The following FRMD5 variants were observed in gnomAD, a reference collection of about 807,000 sequenced individuals.
FRMD5 encodes FERM domain containing 5.
Under a neutral mutation model 69.0 loss-of-function variants are expected in FRMD5, and 20 were observed. The ratio of observed to expected loss-of-function variants is 0.29; its 90% CI spans 0.20 to 0.42. The LOEUF (loss-of-function observed/expected upper bound fraction) is 0.42, where lower values mean the gene tolerates loss of function less well. Among genes scored for constraint, FRMD5 ranks in the 10% least tolerant of loss-of-function variants. The probability of loss-of-function intolerance (pLI) is 1.00; values close to 1 mark genes in which losing one functional copy is unlikely to be tolerated. For missense variants in FRMD5, 595 were observed against 708.6 expected, an observed-to-expected ratio of 0.84 and a Z score of 1.82; for synonymous variants, 271 against 260.1, an observed-to-expected ratio of 1.04 and a Z score of -0.40.
intron 1 of FRMD5, among the ~76,000 whole-genome samples, chr15:44,144,971 T>C (rs774845553): frequency 6.6e-5 from 10 of 152,210 alleles, no homozygotes; most frequent in Non-Finnish European, 1.0e-4. Flanking sequence ...CCCAGTATCA[T>C]AGAGTTACTA....
At chr15:43,999,192 T>C (rs1173734171) in intron 1 of FRMD5, among the ~76,000 whole-genome samples, 3 of 152,042 alleles carry the variant, frequency 2.0e-5, no homozygotes, top group Non-Finnish European at 1.5e-5. Context: ...CTCAGCTTCC[T>C]GAGTAGCTGG....
intron 1 of FRMD5, among the ~76,000 whole-genome samples, chr15:44,033,816 C>T (rs1891790916): frequency 1.3e-5 from 2 of 152,154 alleles, no homozygotes; most frequent in African/African-American, 4.8e-5. Flanking sequence ...GGCTAGCTTC[C>T]TCTACAACAT....
At chr15:44,016,584 A>G (rs1256128255) in intron 1 of FRMD5, among the ~76,000 whole-genome samples, 1 of 152,038 alleles carries the variant, frequency 6.6e-6, no homozygotes, top group East Asian at 1.9e-4. Flanking sequence ...TTAGCCAGGC[A>G]TGTTGGCATG....
intron 1 of FRMD5, among the ~76,000 whole-genome samples, chr15:44,177,287 C>G (rs549841190): frequency 1.3e-5 from 2 of 152,208 alleles, no homozygotes; most frequent in East Asian, 3.9e-4. Flanking sequence ...ATGTTCATAG[C>G]ATTATCCATA....
intron 1 of FRMD5, among the ~76,000 whole-genome samples, chr15:43,978,533 T>C (rs2090499508): frequency 6.6e-6 from 1 of 152,324 alleles, no homozygotes; most frequent in South Asian, 2.1e-4. Context: ...GATTAAGACG[T>C]ACATTTGGTT....
intron 1 of FRMD5, among the ~76,000 whole-genome samples, chr15:44,138,947 A>G (rs2555389): frequency 0.9 from 136,269 of 152,136 alleles, 61,475 homozygotes; most frequent in East Asian, 1. Flanking sequence ...GGGCGACAGA[A>G]AAGAGAGTGG....
chr15:44,102,579 T>G (rs944893025), intron 1 of FRMD5, among the ~76,000 whole-genome samples: 4 of 152,186 alleles, frequency 2.6e-5, no homozygotes, highest in East Asian at 3.8e-4. Context: ...TTGTCCTAGC[T>G]TGGAATTAAA....
chr15:44,045,336 T>C (rs776944804), intron 1 of FRMD5, among the ~76,000 whole-genome samples: 1 of 152,222 alleles, frequency 6.6e-6, no homozygotes, highest in African/African-American at 2.4e-5. Flanking sequence ...GTGGCATTTA[T>C]GGCAAGGACT....
intron 1 of FRMD5, among the ~76,000 whole-genome samples, chr15:44,084,597 T>C (rs1894119087): frequency 2.6e-5 from 4 of 152,128 alleles, no homozygotes; most frequent in Admixed American, 2.6e-4. Flanking sequence ...AAACCTTTTT[T>C]GTATATTATC....
chr15:43,875,348 CA>C lies in FRMD5; in HGVS notation c.1136-887del, dbSNP rs1202161221. 5.8e-3 allele frequency among the ~76,000 whole-genome samples: 271 copies of C among 46,804 alleles called. 2 individuals are homozygous for C. Among genetic ancestry groups the C allele is most frequent in the East Asian group, 0.013 (17 of 1,298 alleles). 30.7% of individuals were successfully genotyped at this position (46,804 alleles called of 152,430 possible). A position where few individuals can be genotyped will look rare whatever the true frequency, so the allele number is the denominator to read the frequency against. ...CCTGAGCAACAGAGAAAGACTGTCT[CA>C]AAAAAAAAAAAAAAATATATATATA... On this transcript the variant is annotated intron_variant, in intron 13 of 13. Transcript: ENST00000417257.
rs2077665537 is a variant in FRMD5, at chr15:44,164,010, C to T, written c.102+30943G>A. ...TCTAGCAAGGGGAAGTCTTTCAAAC[C>T]TGAGATCCATTTTATGCTGCTCCTT... On this transcript the variant is annotated intron_variant, in intron 1 of 13. Coordinates refer to ENST00000417257, the MANE Select transcript of FRMD5 (RefSeq NM_032892.5). 2.6e-5 allele frequency among the ~76,000 whole-genome samples: 4 copies of T among 152,176 alleles called. No individual in the cohort carries two copies. In the South Asian group the frequency reaches 8.3e-4, roughly 32 times the overall value.
chr15:44,052,230 T>A (rs146869745), intron 1 of FRMD5, among the ~76,000 whole-genome samples: 313 of 152,338 alleles, frequency 2.1e-3, no homozygotes, highest in Admixed American at 6.2e-3. Flanking sequence ...ATACTTTGGG[T>A]TACAATGCAA....
rs956780661 is a variant in FRMD5, at chr15:43,991,200, A to G, written c.103-66891T>C. On this transcript the variant is annotated intron_variant, in intron 1 of 13. Transcript: ENST00000417257. ...TGTATTTTACCCGAAGCTGCCAATT[A>G]TTTTTGAGCACTGTACTTAAATTGT... Among the ~76,000 whole-genome samples the G allele has an allele frequency of 8.5e-5, 13 of 152,292 alleles. No homozygotes were observed. The East Asian group carries it at 2.5e-3, about 29-fold the overall frequency.
chr15:44,039,863 A>G (rs1892110304), intron 1 of FRMD5, among the ~76,000 whole-genome samples: 1 of 152,134 alleles, frequency 6.6e-6, no homozygotes, highest in South Asian at 2.1e-4. Flanking sequence ...AAGGCGGGTA[A>G]TAACAAACTC....
At chr15:43,949,822 G>A (rs1422864027) in intron 1 of FRMD5, among the ~76,000 whole-genome samples, 1 of 152,140 alleles carries the variant, frequency 6.6e-6, no homozygotes, top group African/African-American at 2.4e-5. Context: ...ATCCATTACA[G>A]ACAGAAGTGA....
intron 1 of FRMD5, among the ~76,000 whole-genome samples, chr15:43,937,684 C>T (rs1188132197): frequency 6.6e-6 from 1 of 151,008 alleles, no homozygotes; most frequent in Non-Finnish European, 1.5e-5. Context: ...GAACAACATC[C>T]ATGGAAAAGA....
chr15:44,187,592 G>A (rs1404195508), intron 1 of FRMD5, among the ~76,000 whole-genome samples: 1 of 148,652 alleles, frequency 6.7e-6, no homozygotes, highest in African/African-American at 2.5e-5. Flanking sequence ...TTAGGAGACA[G>A]CGTTTCCATC....
chr15:43,996,141 G>C (rs1889911918), intron 1 of FRMD5, among the ~76,000 whole-genome samples: 1 of 151,890 alleles, frequency 6.6e-6, no homozygotes, highest in Non-Finnish European at 1.5e-5. Context: ...TCTGGAACCT[G>C]GGGTGGGCCT....
At chr15:44,132,726 G>C (rs1012736869) in intron 1 of FRMD5, among the ~76,000 whole-genome samples, 5 of 147,610 alleles carry the variant, frequency 3.4e-5, no homozygotes, top group Admixed American at 1.4e-4. Flanking sequence ...ATCATGCCTG[G>C]ACATCATGAA....
Sources: gnomAD v4.1 joint callset for allele counts (sites outside exome capture counted in the v4.1 genomes callset) on GRCh38, gnomAD v4.1.1 for gene constraint, MANE v1.5 for transcripts, NCBI Gene and HGNC (gene_info 2026-07-23, HGNC 2026-07-21) for gene names.